The following CBR4 variants were observed in gnomAD, a reference collection of about 807,000 sequenced individuals.
CBR4 encodes the protein carbonyl reductase 4.
Under a neutral mutation model 21.0 loss-of-function variants are expected in CBR4, and 22 were observed. The ratio of observed to expected loss-of-function variants is 1.05; its 90% CI spans 0.75 to 1.50. The LOEUF (loss-of-function observed/expected upper bound fraction) is 1.50, where lower values mean the gene tolerates loss of function less well. Ranked by LOEUF, CBR4 falls within the 40% of genes most tolerant of loss-of-function variation. The pLI is 0.00. For missense variants in CBR4, 302 were observed against 286.3 expected, an observed-to-expected ratio of 1.05 and a Z score of -0.40; for synonymous variants, 100 against 104.4, an observed-to-expected ratio of 0.96 and a Z score of 0.26.
At chr4:168,920,560 G>A (rs1761265473) in intron 2 of CBR4, among the ~76,000 whole-genome samples, 1 of 152,128 alleles carries the variant, frequency 6.6e-6, no homozygotes, top group South Asian at 2.1e-4. Context: ...TCAAAATCAA[G>A]GGCAAAACTA....
In CBR4 at chr4:168,921,850, T is replaced by C. The variant is rs1183883028; in HGVS notation, n.170-27085A>G. On this transcript the variant is annotated intron_variant and non_coding_transcript_variant, in intron 2 of 3. Transcript: ENST00000509108. ...TACGGAAAATAAAGTATTGAAAAAA[T>C]AGATTGTATCATCAAAATAGCCAAT... 4 of 893,110 alleles carry C rather than the reference T, an allele frequency of 4.5e-6. No homozygotes were observed. In the Admixed American group the frequency reaches 5.9e-5, roughly 13 times the overall value. The allele number at this position is 893,110 out of a possible 1,614,324, so 55.3% of individuals were successfully genotyped here. A position where few individuals can be genotyped will look rare whatever the true frequency, so the allele number is the denominator to read the frequency against.
At chr4:168,955,616 C>T (rs754195499) in intron 2 of CBR4, among the ~76,000 whole-genome samples, 1 of 152,122 alleles carries the variant, frequency 6.6e-6, no homozygotes, top group Non-Finnish European at 1.5e-5. Context: ...TAAAGCAAAG[C>T]AGGATTACTA....
At chr4:168,918,320 T>G (rs1760659530) in intron 2 of CBR4, among the ~76,000 whole-genome samples, 1 of 93,096 alleles carries the variant, frequency 1.1e-5, no homozygotes, top group African/African-American at 3.0e-5. Context: ...ATAAAGAAAA[T>G]ATGAGATATA....
At chr4:168,975,241 G>C (rs886685453) in intron 2 of CBR4, among the ~76,000 whole-genome samples, 1 of 152,234 alleles carries the variant, frequency 6.6e-6, no homozygotes, top group Non-Finnish European at 1.5e-5. Flanking sequence ...TCTGCAAAGA[G>C]TACTGTGATG....
rs1294972926 is a variant in CBR4, at chr4:168,938,674, A to G, written n.170-43909T>C. On this transcript the variant is annotated intron_variant and non_coding_transcript_variant, in intron 2 of 3. Transcript: ENST00000509108. ...ATACAAACTACCATCAGGGAATCCTATAAAAACCTCTATGCAAATAAACTA... is the reference window on the plus strand; with the variant it reads ...ATACAAACTACCATCAGGGAATCCTGTAAAAACCTCTATGCAAATAAACTA... 2.0e-5 allele frequency among the ~76,000 whole-genome samples: 3 copies of G among 152,370 alleles called. No individual in the cohort carries two copies. In the East Asian group the frequency reaches 5.8e-4, roughly 29 times the overall value.
chr4:168,916,877 G>T (rs558588783), intron 2 of CBR4, among the ~76,000 whole-genome samples: 1 of 151,760 alleles, frequency 6.6e-6, no homozygotes, highest in Non-Finnish European at 1.5e-5. Context: ...CACCATGTTG[G>T]TCAGGCTGGT....
Position 168,921,648 on chromosome 4 carries a change from G to C in CBR4, n.170-26883C>G. ...GAACGGGGTGCACTCTCTGATCATA[G>C]AGCCAGTCACGTCACGTGATGCCGG... On this transcript the variant is annotated intron_variant and non_coding_transcript_variant, in intron 2 of 3. Coordinates refer to the CBR4 transcript ENST00000509108. 6.2e-7 allele frequency: 1 copy of C among 1,610,452 alleles called. No individual in the cohort carries two copies.
At chr4:168,997,284 T>G (rs1765249852) in intron 4 of CBR4, among the ~76,000 whole-genome samples, 1 of 152,188 alleles carries the variant, frequency 6.6e-6, no homozygotes, top group Non-Finnish European at 1.5e-5. Flanking sequence ...TGACAAGCAT[T>G]AAACCAATTT....
chr4:169,006,051 T>C (rs879783790), intron 3 of CBR4: 4 of 447,162 alleles, frequency 8.9e-6, no homozygotes, highest in Non-Finnish European at 1.6e-5. Flanking sequence ...ATCTGCCCTG[T>C]GGGTTAGATG....
At chr4:168,903,292 A>G (rs1344980218) in intron 2 of CBR4, among the ~76,000 whole-genome samples, 6 of 152,122 alleles carry the variant, frequency 3.9e-5, no homozygotes, top group African/African-American at 1.2e-4. Context: ...CAGTGAAATG[A>G]TTAGAGTTTG....
At chr4:169,009,665 G>A (rs886243171) in intron 1 of CBR4, among the ~76,000 whole-genome samples, 2 of 152,258 alleles carry the variant, frequency 1.3e-5, no homozygotes, top group Non-Finnish European at 2.9e-5. Context: ...CAGGGCGGAG[G>A]GTGCGTATAG....
rs1731026071 is a variant in CBR4, at chr4:169,007,641, A to C, written c.258T>G (p.Ile86Met). The stretch of plus-strand genomic sequence containing the variant: ...TATTTAAATCTGTGACCAACCTGTT[A>C]ATACCAGCTGCATTTACCAAGAAAT... ...RVNFLVNAAG[I>M]NRDGLLVRTK... is the part of the protein sequence containing the mutation. Residue 86 changes from isoleucine to methionine, a missense_variant, in exon 2 of 5, where the codon ATT (isoleucine) becomes ATG (methionine). By Grantham distance (10) the Ile-to-Met change is conservative. Coordinates refer to ENST00000306193, the MANE Select transcript of CBR4 (RefSeq NM_032783.5). 1 of 1,568,146 alleles carries C rather than the reference A, an allele frequency of 6.4e-7. No homozygotes were observed. The highest frequency in any genetic ancestry group is 8.6e-7 in the Non-Finnish European group (1 of 1,160,302).
Position 168,926,316 on chromosome 4 carries a change from G to A in CBR4, n.170-31551C>T, listed in dbSNP as rs752296365. ...ACCAGGGACTAGACATCAAAGCAGC[G>A]TTCCAACCTGAGGCCAACCCATCTC... On this transcript the variant is annotated intron_variant and non_coding_transcript_variant, in intron 2 of 3. Transcript: ENST00000509108. The A allele has an allele frequency of 2.6e-5, 40 of 1,537,192 alleles. No homozygotes were observed. Among genetic ancestry groups the A allele is most frequent in the South Asian group, 5.9e-5 (5 of 84,058 alleles).
chr4:168,955,908 T>C (rs558088384), intron 2 of CBR4, among the ~76,000 whole-genome samples: 6 of 152,096 alleles, frequency 3.9e-5, no homozygotes, highest in South Asian at 2.1e-4. Context: ...CCTAGTACCA[T>C]GGGAAAATTT....
chr4:168,898,426 G>C (rs1156906629), intron 2 of CBR4: 3 of 972,340 alleles, frequency 3.1e-6, no homozygotes, highest in Middle Eastern at 2.9e-4. Flanking sequence ...TTATTGGGGG[G>C]CAGGGAGAGA....
intron 3 of CBR4, among the ~76,000 whole-genome samples, chr4:169,006,206 T>C (rs538188667): frequency 6.6e-6 from 1 of 152,246 alleles, no homozygotes; most frequent in African/African-American, 2.4e-5. Flanking sequence ...TTTAATTCCT[T>C]GTCCATGTTT....
At chr4:168,921,406 C>CCA in intron 2 of CBR4, 1 of 361,160 alleles carries the variant, frequency 2.8e-6, no homozygotes, top group East Asian at 5.0e-5. Flanking sequence ...AAACTCTGTC[C>CCA]AAAAAAAAAA....
rs562204210 is a variant in CBR4 at position 168,964,378 on chromosome 4, G to A, written n.169+37693C>T. On this transcript the variant is annotated intron_variant and non_coding_transcript_variant, in intron 2 of 3. Transcript: ENST00000509108. Reference sequence around the variant, plus strand: ...GTCATAATGCCAGACACAGAGCAAGGCAAGGAAAATAAAAAATAAAGACGA... The same window carrying A: ...GTCATAATGCCAGACACAGAGCAAGACAAGGAAAATAAAAAATAAAGACGA... 8.5e-5 allele frequency among the ~76,000 whole-genome samples: 13 copies of A among 152,260 alleles called. No individual in the cohort carries two copies. In the South Asian group the frequency reaches 2.7e-3, roughly 32 times the overall value.
At chr4:168,996,557 C>T (rs1765213279) in intron 4 of CBR4, among the ~76,000 whole-genome samples, 2 of 151,910 alleles carry the variant, frequency 1.3e-5, no homozygotes, top group Admixed American at 6.6e-5. Flanking sequence ...TTTATGTATT[C>T]ATTTATTAAT....
Sources: allele counts gnomAD v4.1 joint callset (sites outside exome capture counted in the v4.1 genomes callset), GRCh38; gene constraint gnomAD v4.1.1; transcripts MANE v1.5; gene names NCBI Gene and HGNC (gene_info 2026-07-23, HGNC 2026-07-21).